DISP2: variants seen among roughly 807,000 people sequenced by gnomAD.
DISP2 encodes the protein dispatched RND transporter family member 2.
In DISP2, 59 loss-of-function variants were observed where a neutral mutation model predicts 95.5. The observed-to-expected ratio is 0.62, with a 90% confidence interval of 0.50 to 0.77. The LOEUF (loss-of-function observed/expected upper bound fraction) is 0.77. DISP2 is among the 30% of genes least tolerant of loss of function. The probability of loss-of-function intolerance (pLI) is 0.00; values close to 1 mark genes in which losing one functional copy is unlikely to be tolerated. For missense variants in DISP2, 1,752 were observed against 1,854.6 expected, an observed-to-expected ratio of 0.94 and a Z score of 1.02; for synonymous variants, 827 against 815.0, an observed-to-expected ratio of 1.01 and a Z score of -0.25.
Position 40,370,230 on chromosome 15 carries a change from G to A in DISP2, c.4118G>A (p.Ser1373Asn). Residue 1373 changes from serine to asparagine, a missense_variant, in exon 8 of 8, where the codon AGC becomes AAC. Coordinates refer to ENST00000267889, the MANE Select transcript of DISP2 (RefSeq NM_033510.3). ...GGCCGAGGGGGGCCAGGGGATGGCA[G>A]CCCTGTGGTGCTGCCCAATAGCCAG... ...WKGRGGPGDGSPVVLPNSQPD... is the reference protein window; with the variant it reads ...WKGRGGPGDGNPVVLPNSQPD... The A allele has an allele frequency of 6.3e-7, 1 of 1,597,702 alleles. No individual in the cohort carries two copies. Among genetic ancestry groups the A allele is most frequent in the Middle Eastern group, 1.7e-4 (1 of 5,958 alleles).
At position 40,368,394 on chromosome 15, in the gene DISP2, A is replaced by G; in HGVS notation, c.2282A>G (p.Gln761Arg). 1.2e-6 allele frequency: 2 copies of G among 1,608,060 alleles called. No homozygotes were observed. Among genetic ancestry groups the G allele is most frequent in the African/African-American group, 1.3e-5 (1 of 75,040 alleles). Residue 761 changes from glutamine (Q) to arginine (R), a missense_variant, in exon 8 of 8, where the codon CAG (glutamine) becomes CGG (arginine). By Grantham distance (43) the Gln-to-Arg change is conservative (BLOSUM62 1). Coordinates refer to ENST00000267889, the MANE Select transcript of DISP2 (RefSeq NM_033510.3). The part of the protein sequence containing the change: ...AEYRQLFLFE[Q>R]LPQGEGGHMP... ...TATCGCCAGCTGTTCCTGTTCGAGCAGCTGCCGCAGGGCGAGGGCGGCCAC... is the reference window on the plus strand; with the variant it reads ...TATCGCCAGCTGTTCCTGTTCGAGCGGCTGCCGCAGGGCGAGGGCGGCCAC...
At chr15:40,360,470 C>T (rs1889389432) in intron 1 of DISP2, among the ~76,000 whole-genome samples, 1 of 151,984 alleles carries the variant, frequency 6.6e-6, no homozygotes, top group African/African-American at 2.4e-5. Context: ...TAATGGTGGG[C>T]ACAGTCAGGA....
chr15:40,364,801 C>T (rs757846540), intron 4 of DISP2, 37 bp from the exon 5 acceptor site: 5 of 1,594,604 alleles, frequency 3.1e-6, no homozygotes, highest in Middle Eastern at 1.8e-4. Context: ...GAACTCCTAC[C>T]CTGCCCACCT....
Position 40,365,737 on chromosome 15 carries a change from G to A in DISP2, c.945+12G>A, listed in dbSNP as rs1362177784. The A allele has an allele frequency of 1.2e-6, 2 of 1,613,454 alleles. No homozygotes were observed. Among genetic ancestry groups the A allele is most frequent in the Non-Finnish European group, 1.7e-6 (2 of 1,179,614 alleles). ...TGGAACAGGACCAGGTGAGCTGGTG[G>A]GGGAGGTGCCAGGGGTTTGGGGGGA... On this transcript the variant is annotated intron_variant, in intron 7 of 7. Transcript: ENST00000267889.
Position 40,371,506 on chromosome 15 carries a change from C to T in DISP2, c.*1188C>T, listed in dbSNP as rs918055223. On this transcript the variant is annotated 3_prime_UTR_variant, in exon 8 of 8. Coordinates refer to ENST00000267889, the MANE Select transcript of DISP2 (RefSeq NM_033510.3). ...TCTACAGCCACAGTGTATAAGAGGCCCCACCAGAAGAGGTACTGAGGGGCA... is the reference window on the plus strand; with the variant it reads ...TCTACAGCCACAGTGTATAAGAGGCTCCACCAGAAGAGGTACTGAGGGGCA... 2.0e-5 allele frequency: 3 copies of T among 152,198 alleles called. No individual in the cohort carries two copies. Among genetic ancestry groups the T allele is most frequent in the African/African-American group, 7.2e-5 (3 of 41,426 alleles). The allele number at this position is 152,198 out of a possible 1,614,324, so 9.4% of individuals were successfully genotyped here. A position where few individuals can be genotyped will look rare whatever the true frequency, so the allele number is the denominator to read the frequency against.
chr15:40,364,184 A>G, intron 2 of DISP2, 42 bp from the exon 3 acceptor site: 1 of 1,613,522 alleles, frequency 6.2e-7, no homozygotes, highest in Non-Finnish European at 8.5e-7. Flanking sequence ...GCCCTCTGCA[A>G]GAGAACTCTG....
Position 40,367,879 on chromosome 15 carries a change from C to A in DISP2, c.1767C>A (p.Phe589Leu). The A allele has an allele frequency of 6.3e-7, 1 of 1,599,348 alleles. No individual in the cohort carries two copies. Among genetic ancestry groups the A allele is most frequent in the Non-Finnish European group, 8.5e-7 (1 of 1,179,628 alleles). The change falls in exon 8 of 8, where the codon TTC becomes TTA. Residue 589 changes from phenylalanine to leucine, a missense_variant. By Grantham distance (22) the Phe-to-Leu change is conservative. This residue lies in a region of DISP2 where 732 missense variants were observed against 714.6 expected (regional missense o/e 1.02). Coordinates refer to ENST00000267889, the MANE Select transcript of DISP2 (RefSeq NM_033510.3). Reference sequence around the variant, plus strand: ...GCGTGGGCCGCACCATGCACCACTTCGGCTACCTGCTGCTGGTCTCCGGCC... The same window carrying A: ...GCGTGGGCCGCACCATGCACCACTTAGGCTACCTGCTGCTGGTCTCCGGCC... ...AQRVGRTMHH[F>L]GYLLLVSGLT...
At position 40,365,683 on chromosome 15, in the gene DISP2, C is replaced by A. The variant is rs750207488; in HGVS notation, c.903C>A (p.Asn301Lys). The A allele has an allele frequency of 2.0e-5, 32 of 1,613,990 alleles. No homozygotes were observed. Among genetic ancestry groups the A allele is most frequent in the Non-Finnish European group, 2.7e-5 (32 of 1,180,022 alleles). Residue 301 changes from asparagine to lysine, a missense_variant, in exon 7 of 8, where the codon AAC (asparagine) becomes AAA (lysine). Transcript: ENST00000267889. ...CCACCTCCTCGGGCAGCCTATGGAA[C>A]CTGCATGCCATCCATTCCATGTGTC... ...FMSTSSGSLW[N>K]LHAIHSMCRM...
intron 1 of DISP2, among the ~76,000 whole-genome samples, chr15:40,362,513 A>T (rs548674678): frequency 2.8e-4 from 42 of 149,188 alleles, no homozygotes; most frequent in Admixed American, 1.3e-3. Flanking sequence ...CACTGGCGAT[A>T]TGGAGATGAA....
rs1460197486 is a variant in DISP2, at chr15:40,367,735, C to T, written c.1623C>T (p.Pro541=). Residue 541 remains proline (P), a synonymous_variant, in exon 8 of 8, where the codon CCC becomes CCT. Coordinates refer to ENST00000267889, the MANE Select transcript of DISP2 (RefSeq NM_033510.3). ...TGGCCTTCCGCATGGCCTACTTCCC[C>T]TTCGTCAATCTGGCAGCCCTCCTCC... ...YQVAFRMAYF[P]FVNLAALLLL... The T allele has an allele frequency of 6.2e-7, 1 of 1,612,928 alleles. No homozygotes were observed. The highest frequency in any genetic ancestry group is 2.2e-5 in the East Asian group (1 of 44,860).
intron 1 of DISP2, among the ~76,000 whole-genome samples, chr15:40,358,719 C>T (rs1889360752): frequency 6.6e-6 from 1 of 152,174 alleles, no homozygotes; most frequent in South Asian, 2.1e-4. Context: ...CAGGCCAGGA[C>T]TCCCTGGCTC....
At chr15:40,358,787 C>T (rs1889362040) in intron 1 of DISP2, among the ~76,000 whole-genome samples, 5 of 152,246 alleles carry the variant, frequency 3.3e-5, no homozygotes, top group Admixed American at 3.3e-4. Context: ...CCCAAGCCCG[C>T]AGTAACCTCA....
rs144413358 is a variant in DISP2 at position 40,375,814 on chromosome 15, G to C, written c.*5496G>C. 2.6e-5 allele frequency: 4 copies of C among 152,390 alleles called. No homozygotes were observed. Among genetic ancestry groups the C allele is most frequent in the Non-Finnish European group, 5.9e-5 (4 of 68,034 alleles). 9.4% of individuals were successfully genotyped at this position (152,390 alleles called of 1,614,324 possible). Reference sequence around the variant, plus strand: ...ATAGTTTTAAAGTAATCAGTTTCCAGAGCCGCCTTCTCCATATGTTCCCCT... The same window carrying C: ...ATAGTTTTAAAGTAATCAGTTTCCACAGCCGCCTTCTCCATATGTTCCCCT... On this transcript the variant is annotated 3_prime_UTR_variant, in exon 8 of 8. Transcript: ENST00000267889.
Position 40,370,163 on chromosome 15 carries a change from C to G in DISP2, c.4051C>G (p.Pro1351Ala). The G allele has an allele frequency of 6.2e-7, 1 of 1,612,036 alleles. No homozygotes were observed. The highest frequency in any genetic ancestry group is 8.5e-7 in the Non-Finnish European group (1 of 1,179,206). Residue 1351 changes from proline (P) to alanine (A), a missense_variant, in exon 8 of 8, where the codon CCA becomes GCA. Coordinates refer to ENST00000267889, the MANE Select transcript of DISP2 (RefSeq NM_033510.3). ...GGCGCTGAGGGAGACAGTGTATGAC[C>G]CATCATTGCCCGCTTCCCATCACAG... Reference protein sequence around the residue: ...WLALRETVYDPSLPASHHSSL... With the variant: ...WLALRETVYDASLPASHHSSL...
rs1889533199 is a variant in DISP2, at chr15:40,367,880, G to A, written c.1768G>A (p.Gly590Ser). Residue 590 changes from glycine to serine, a missense_variant, in exon 8 of 8, where the codon GGC becomes AGC. Transcript: ENST00000267889. ...CGTGGGCCGCACCATGCACCACTTCGGCTACCTGCTGCTGGTCTCCGGCCT... is the reference window on the plus strand; with the variant it reads ...CGTGGGCCGCACCATGCACCACTTCAGCTACCTGCTGCTGGTCTCCGGCCT... ...QRVGRTMHHF[G>S]YLLLVSGLTT... 4 of 1,599,364 alleles carry A rather than the reference G, an allele frequency of 2.5e-6. No homozygotes were observed. Among genetic ancestry groups the A allele is most frequent in the African/African-American group, 1.3e-5 (1 of 75,036 alleles).
chr15:40,360,270 CCT>C (rs1889386694), intron 1 of DISP2, among the ~76,000 whole-genome samples: 1 of 152,192 alleles, frequency 6.6e-6, no homozygotes, highest in African/African-American at 2.4e-5. Context: ...ATAAAAAACC[CCT>C]GTGTAGCCCT....
In DISP2 at chr15:40,358,336, C is replaced by G. The variant is rs1480784738; in HGVS notation, c.15C>G (p.Ser5Arg). The change falls in exon 1 of 8, where the codon AGC becomes AGG. Residue 5 changes from serine (S) to arginine (R), a missense_variant. Coordinates refer to ENST00000267889, the MANE Select transcript of DISP2 (RefSeq NM_033510.3). ...CGCCCACGGGCATGGACGGTGACAG[C>G]AGCAGCAGCAGCGGCGGCAGCGGTC... MDGD[S>R]SSSSGGSGPA... The G allele has an allele frequency of 3.6e-6, 5 of 1,390,598 alleles. No individual in the cohort carries two copies. The East Asian group carries it at 1.5e-4, about 43-fold the overall frequency. The allele number at this position is 1,390,598 out of a possible 1,614,324, so 86.1% of individuals were successfully genotyped here.
Position 40,371,432 on chromosome 15 carries a change from C to T in DISP2, c.*1114C>T, listed in dbSNP as rs1889643572. Reference sequence around the variant, plus strand: ...AATCTGGCTGAGATGTCTGCTGGCCCTGGGGCGTCCTAGCTGACCTGATTC... The same window carrying T: ...AATCTGGCTGAGATGTCTGCTGGCCTTGGGGCGTCCTAGCTGACCTGATTC... On this transcript the variant is annotated 3_prime_UTR_variant, in exon 8 of 8. Transcript: ENST00000267889. 6.6e-6 allele frequency: 1 copy of T among 152,390 alleles called. No homozygotes were observed. Among genetic ancestry groups the T allele is most frequent in the Non-Finnish European group, 1.5e-5 (1 of 68,166 alleles). The allele number at this position is 152,390 out of a possible 1,614,324, so 9.4% of individuals were successfully genotyped here.
chr15:40,376,192 A>G lies in DISP2; in HGVS notation c.*5874A>G, dbSNP rs1889729774. 1 of 152,230 alleles carries G rather than the reference A, an allele frequency of 6.6e-6. No individual in the cohort carries two copies. The highest frequency in any genetic ancestry group is 2.4e-5 in the African/African-American group (1 of 41,476). The allele number at this position is 152,230 out of a possible 1,614,324, so 9.4% of individuals were successfully genotyped here. A position where few individuals can be genotyped will look rare whatever the true frequency, so the allele number is the denominator to read the frequency against. On this transcript the variant is annotated 3_prime_UTR_variant, in exon 8 of 8. Coordinates refer to ENST00000267889, the MANE Select transcript of DISP2 (RefSeq NM_033510.3). ...TTTAAAAATAATTCAACTTCAGGTG[A>G]GACACAGTGGCTCATGCCTATAATC...
Sources: gnomAD v4.1 joint callset for allele counts (sites outside exome capture counted in the v4.1 genomes callset) on GRCh38, gnomAD v4.1.1 for gene constraint, gnomAD v4.1.1 regional missense constraint, MANE v1.5 for transcripts, NCBI Gene and HGNC (gene_info 2026-07-23, HGNC 2026-07-21) for gene names.